The following TLL2 variants were observed in gnomAD, a reference collection of about 807,000 sequenced individuals.
TLL2 encodes the protein tolloid-like protein 2.
Under a neutral mutation model 123.0 loss-of-function variants are expected in TLL2, and 106 were observed. The observed-to-expected ratio is 0.86, with a 90% CI of 0.74 to 1.01. The LOEUF (loss-of-function observed/expected upper bound fraction) is 1.01, where lower values mean the gene tolerates loss of function less well. Among genes scored for constraint, TLL2 ranks in the 50% least tolerant of loss-of-function variants. The pLI is 0.00. For synonymous variants in TLL2, 494 were observed against 516.8 expected (o/e 0.96, Z 0.60); for missense variants, 1,332 against 1,336.7 (o/e 1.00, Z 0.06).
chr10:96,505,188 G>A (rs556278540), intron 1 of TLL2, among the ~76,000 whole-genome samples: 1 of 152,296 alleles, frequency 6.6e-6, no homozygotes, highest in South Asian at 2.1e-4. Context: ...CATCCTACAT[G>A]GGAACAGGAG....
In TLL2 at chr10:96,408,038, G is replaced by T. The variant is rs143445203; in HGVS notation, c.1164+2321C>A. ...CCATTAAATCAGATTCCCTGGGAGT[G>T]GGGGGAGGGGGACCCAAAATAAACA... On this transcript the variant is annotated intron_variant, in intron 9 of 20. Coordinates refer to ENST00000357947, the MANE Select transcript of TLL2 (RefSeq NM_012465.4). Among the ~76,000 whole-genome samples the T allele has an allele frequency of 3.8e-3, 583 of 152,306 alleles. 3 individuals carry two copies. Among genetic ancestry groups the T allele is most frequent in the African/African-American group, 0.013 (549 of 41,568 alleles).
chr10:96,512,216 G>C (rs1412770579), intron 1 of TLL2, among the ~76,000 whole-genome samples: 1 of 152,090 alleles, frequency 6.6e-6, no homozygotes, highest in Non-Finnish European at 1.5e-5. Context: ...CTAGTAACCT[G>C]GTCTTCCCCA....
intron 5 of TLL2, among the ~76,000 whole-genome samples, chr10:96,425,652 A>T (rs1263948481): frequency 1.3e-5 from 2 of 151,972 alleles, no homozygotes; most frequent in East Asian, 3.9e-4. Flanking sequence ...AAACTATTTC[A>T]TGTATAAAGA....
intron 2 of TLL2, among the ~76,000 whole-genome samples, chr10:96,465,724 G>A (rs770692620): frequency 2.0e-5 from 3 of 152,220 alleles, no homozygotes; most frequent in Non-Finnish European, 2.9e-5. Flanking sequence ...CCTAGAGTTG[G>A]CAGGGGGACA....
At chr10:96,420,035 C>G (rs1292018074) in intron 7 of TLL2, among the ~76,000 whole-genome samples, 2 of 152,184 alleles carry the variant, frequency 1.3e-5, no homozygotes, top group East Asian at 3.8e-4. Flanking sequence ...TTTTCCTTCT[C>G]CTTTCCCCCA....
chr10:96,440,289 C>A (rs1198009993), intron 3 of TLL2, among the ~76,000 whole-genome samples: 2 of 152,188 alleles, frequency 1.3e-5, no homozygotes, highest in Non-Finnish European at 2.9e-5. Flanking sequence ...CTGCATGGTG[C>A]CTGACTGGTG....
At chr10:96,410,274 T>C in intron 9 of TLL2, 85 bp downstream of exon 9, 2 of 975,342 alleles carry the variant, frequency 2.1e-6, no homozygotes, top group Non-Finnish European at 1.6e-6. Flanking sequence ...ACAGCTGTTA[T>C]TTTTACTATT....
chr10:96,462,905 A>C (rs1010224894), intron 2 of TLL2, among the ~76,000 whole-genome samples: 1 of 152,222 alleles, frequency 6.6e-6, no homozygotes, highest in African/African-American at 2.4e-5. Context: ...TATGGCACTA[A>C]ATATAGCACA....
intron 16 of TLL2, among the ~76,000 whole-genome samples, chr10:96,381,248 G>A (rs1846185147): frequency 1.3e-5 from 2 of 152,204 alleles, no homozygotes; most frequent in Admixed American, 1.3e-4. Context: ...GCTCTACACT[G>A]CCTGGCATGG....
intron 1 of TLL2, among the ~76,000 whole-genome samples, chr10:96,490,639 A>G (rs78772081): frequency 0.044 from 6,635 of 152,300 alleles, 429 homozygotes; most frequent in African/African-American, 0.14. Context: ...CAACAAGTGG[A>G]CTGAACTATA....
intron 18 of TLL2, among the ~76,000 whole-genome samples, chr10:96,374,843 G>T (rs1846121314): frequency 6.6e-6 from 1 of 152,126 alleles, no homozygotes; most frequent in Non-Finnish European, 1.5e-5. Flanking sequence ...TCAGATGCTG[G>T]GTAGGTGGCC....
At chr10:96,478,473 C>T (rs536091149) in intron 2 of TLL2, among the ~76,000 whole-genome samples, 7 of 152,336 alleles carry the variant, frequency 4.6e-5, no homozygotes, top group Non-Finnish European at 7.3e-5. Flanking sequence ...CCAGCACCCC[C>T]ACTCCTGGGC....
chr10:96,430,565 A>C (rs1344820314), intron 4 of TLL2, among the ~76,000 whole-genome samples: 1 of 152,240 alleles, frequency 6.6e-6, no homozygotes, highest in African/African-American at 2.4e-5. Flanking sequence ...TGTTGTCCCC[A>C]AAAACATTCA....
At chr10:96,429,106 T>G (rs1846710310) in intron 4 of TLL2, among the ~76,000 whole-genome samples, 1 of 152,086 alleles carries the variant, frequency 6.6e-6, no homozygotes, top group South Asian at 2.1e-4. Flanking sequence ...CCCAGCCTCC[T>G]TAGATGCTTT....
intron 1 of TLL2, among the ~76,000 whole-genome samples, chr10:96,507,880 A>G (rs1214962586): frequency 6.6e-6 from 1 of 152,242 alleles, no homozygotes; most frequent in Non-Finnish European, 1.5e-5. Flanking sequence ...GGAGAAACAA[A>G]AAAGACAAAC....
intron 5 of TLL2, 21 bp from the exon 6 acceptor site, chr10:96,422,748 C>T (rs1277745318): frequency 6.2e-7 from 1 of 1,613,784 alleles, no homozygotes; most frequent in Non-Finnish European, 8.5e-7. Flanking sequence ...GCAGGAATAC[C>T]CAGGTCAGCA....
intron 1 of TLL2, among the ~76,000 whole-genome samples, chr10:96,499,167 C>T (rs1301183615): frequency 2.0e-5 from 3 of 152,160 alleles, no homozygotes; most frequent in African/African-American, 7.2e-5. Flanking sequence ...CACCTTGCAC[C>T]CATGGGAAGG....
In TLL2 at chr10:96,377,732, T is replaced by A. The variant is rs117648683; in HGVS notation, c.2321-913A>T. On this transcript the variant is annotated intron_variant, in intron 17 of 20. Transcript: ENST00000357947. ...GGGGGCAGGAAGGGGAGGAAACAGC[T>A]TCGAGGATGTTCCAAAGAGATTTGC... Among the ~76,000 whole-genome samples the A allele has an allele frequency of 4.1e-3, 629 of 152,290 alleles. 1 individual carries two copies. The highest frequency in any genetic ancestry group is 7.6e-3 in the Non-Finnish European group (519 of 68,000).
intron 9 of TLL2, among the ~76,000 whole-genome samples, chr10:96,406,286 C>T (rs942998350): frequency 3.9e-5 from 6 of 152,134 alleles, no homozygotes; most frequent in African/African-American, 1.4e-4. Flanking sequence ...GCAAGTTCCA[C>T]TAAACCAGGT....
Sources: gnomAD v4.1 joint callset for allele counts (sites outside exome capture counted in the v4.1 genomes callset) on GRCh38, gnomAD v4.1.1 for gene constraint, MANE v1.5 for transcripts, NCBI Gene and HGNC (gene_info 2026-07-23, HGNC 2026-07-21) for gene names.